The following NNT variants were observed in gnomAD, a reference collection of about 807,000 sequenced individuals.
NNT encodes NAD(P) transhydrogenase, mitochondrial.
In NNT, 50 loss-of-function variants were observed where a neutral mutation model predicts 104.8. The observed-to-expected ratio is 0.48, with a 90% CI of 0.38 to 0.60. The LOEUF (loss-of-function observed/expected upper bound fraction) is 0.60. Among genes scored for constraint, NNT ranks in the 20% least tolerant of loss-of-function variants. The probability of loss-of-function intolerance (pLI) is 0.00; values close to 1 mark genes in which losing one functional copy is unlikely to be tolerated. For synonymous variants in NNT, 461 were observed against 490.4 expected (o/e 0.94, Z 0.79); for missense variants, 1,131 against 1,330.7 (o/e 0.85, Z 2.33).
chr5:43,668,458 A>T (rs1003998100), intron 17 of NNT, among the ~76,000 whole-genome samples: 2 of 152,148 alleles, frequency 1.3e-5, no homozygotes, highest in African/African-American at 4.8e-5. Context: ...ATTTTTGTAT[A>T]AGGTGTAAGG....
At chr5:43,676,834 G>A (rs561953013) in intron 18 of NNT, among the ~76,000 whole-genome samples, 1 of 152,280 alleles carries the variant, frequency 6.6e-6, no homozygotes, top group South Asian at 2.1e-4. Flanking sequence ...ATGAAGGTTT[G>A]TAGGGAGGCG....
intron 4 of NNT, among the ~76,000 whole-genome samples, chr5:43,617,052 A>G (rs1422263024): frequency 6.6e-6 from 1 of 152,214 alleles, no homozygotes; most frequent in Non-Finnish European, 1.5e-5. Context: ...ATTTTAGCAT[A>G]GGAAATATGT....
chr5:43,614,941 T>C (rs993377647), intron 3 of NNT, among the ~76,000 whole-genome samples: 3 of 151,510 alleles, frequency 2.0e-5, no homozygotes, highest in Non-Finnish European at 4.4e-5. Context: ...ATCGAGACCA[T>C]CCTGGCTAAC....
intron 17 of NNT, among the ~76,000 whole-genome samples, chr5:43,659,958 TC>T (rs1740268113): frequency 6.6e-6 from 1 of 152,232 alleles, no homozygotes; most frequent in African/African-American, 2.4e-5. Context: ...ACTTGTCTGA[TC>T]GTGTTGTATA....
intron 19 of NNT, among the ~76,000 whole-genome samples, chr5:43,681,389 AT>A (rs909527250): frequency 6.6e-6 from 1 of 150,714 alleles, no homozygotes; most frequent in Non-Finnish European, 1.5e-5. Flanking sequence ...CTTTCAACTT[AT>A]TTTTTTTAAT....
rs376701705 is a variant in NNT at position 43,613,027 on chromosome 5, G to A, written c.271G>A (p.Val91Met). The part of the protein sequence containing the change: ...NLVKQGFNVV[V>M]ESGAGEASKF... Reference sequence around the variant, plus strand: ...GGTCAAGCAGGGTTTTAATGTTGTCGTGGAATCGGGTGCGGGCGAAGCTTC... The same window carrying A: ...GGTCAAGCAGGGTTTTAATGTTGTCATGGAATCGGGTGCGGGCGAAGCTTC... Residue 91 changes from valine to methionine, a missense_variant, in exon 3 of 22, where the codon GTG becomes ATG. Physicochemically the swap from Val to Met is conservative, Grantham distance 21. Coordinates refer to ENST00000344920, the MANE Select transcript of NNT (RefSeq NM_182977.3). The A allele has an allele frequency of 2.0e-5, 33 of 1,613,996 alleles. No individual in the cohort carries two copies. The highest frequency in any genetic ancestry group is 1.6e-4 in the East Asian group (7 of 44,880).
At chr5:43,638,089 T>C (rs565428292) in intron 7 of NNT, among the ~76,000 whole-genome samples, 1 of 152,304 alleles carries the variant, frequency 6.6e-6, no homozygotes, top group African/African-American at 2.4e-5. Flanking sequence ...TGAGATCTGA[T>C]GGTTTTATAA....
At chr5:43,606,568 T>C (rs1169730369) in intron 1 of NNT, among the ~76,000 whole-genome samples, 4 of 152,198 alleles carry the variant, frequency 2.6e-5, no homozygotes, top group Non-Finnish European at 2.9e-5. Context: ...CAAATGCAAA[T>C]AATTATTCAT....
At chr5:43,650,739 C>T (rs1739715865) in intron 12 of NNT, 152 bp downstream of exon 12, 3 of 579,528 alleles carry the variant, frequency 5.2e-6, no homozygotes, top group Non-Finnish European at 5.9e-6. Context: ...TTATTTTGCC[C>T]ATCTGTAATT....
intron 7 of NNT, 76 bp from the exon 8 acceptor site, chr5:43,644,116 G>T: frequency 7.4e-7 from 1 of 1,347,192 alleles, no homozygotes; most frequent in South Asian, 1.4e-5. Flanking sequence ...AATGCCCAGA[G>T]ACTACTGTAA....
chr5:43,700,356 T>C (rs1742786104), intron 20 of NNT, 119 bp downstream of exon 20: 1 of 626,702 alleles, frequency 1.6e-6, no homozygotes, highest in Non-Finnish European at 2.8e-6. Flanking sequence ...AAAGAACTTG[T>C]ACATGGTAGA....
chr5:43,704,294 GCA>G lies in NNT; in HGVS notation c.3152_3153del (p.Ala1051GlyfsTer10). 6.2e-7 allele frequency: 1 copy of G among 1,605,934 alleles called. No homozygotes were observed. The highest frequency in any genetic ancestry group is 8.5e-7 in the Non-Finnish European group (1 of 1,176,658). On this transcript the variant is annotated frameshift_variant, in exon 22 of 22. Coordinates refer to ENST00000344920, the MANE Select transcript of NNT (RefSeq NM_182977.3). LOFTEE classifies it high-confidence loss of function. ...GAGGTCTTTGGGTGTTGGCTATGCT[GCA>G]GTGGACAATCCAATCTTCTACAAAC... is the stretch of plus-strand genomic sequence containing the variant. Reference protein sequence around the residue: ...MKRSLGVGYAAVDNPIFYKPN... With the variant: ...MKRSLGVGYAXVDNPIFYKPN...
chr5:43,637,842 A>G (rs1055474190), intron 7 of NNT, among the ~76,000 whole-genome samples: 2 of 152,126 alleles, frequency 1.3e-5, no homozygotes, highest in Non-Finnish European at 2.9e-5. Context: ...AATGAGATGC[A>G]CCTCGGCTTA....
intron 2 of NNT, among the ~76,000 whole-genome samples, chr5:43,612,090 T>TCTA (rs1383876010): frequency 4.6e-5 from 7 of 152,182 alleles, no homozygotes; most frequent in Non-Finnish European, 1.0e-4. Flanking sequence ...TCTTTAAATA[T>TCTA]CTACTACTGA....
chr5:43,671,923 A>G (rs62368564), intron 17 of NNT, among the ~76,000 whole-genome samples: 5,143 of 152,232 alleles, frequency 0.034, 136 homozygotes, highest in East Asian at 0.12. Flanking sequence ...AGGTACACCA[A>G]TGAGACGTAG....
At chr5:43,611,184 CTT>C (rs1003192103) in intron 2 of NNT, among the ~76,000 whole-genome samples, 4 of 146,524 alleles carry the variant, frequency 2.7e-5, no homozygotes, top group Non-Finnish European at 4.5e-5. Context: ...TGCTATGTCT[CTT>C]TTGTCTCTTT....
At chr5:43,612,704 A>G (rs1419806577) in intron 2 of NNT, among the ~76,000 whole-genome samples, 1 of 152,178 alleles carries the variant, frequency 6.6e-6, no homozygotes, top group Non-Finnish European at 1.5e-5. Context: ...TCAGAAGAGT[A>G]GGCATAAAAG....
chr5:43,621,184 C>T (rs73751784), intron 5 of NNT, among the ~76,000 whole-genome samples: 2,223 of 152,304 alleles, frequency 0.015, 55 homozygotes, highest in African/African-American at 0.046. Context: ...CCACAAGTGG[C>T]CCAGGACGGT....
chr5:43,609,384 A>G (rs775324674), intron 2 of NNT, 38 bp downstream of exon 2: 4 of 1,603,206 alleles, frequency 2.5e-6, no homozygotes, highest in Non-Finnish European at 2.6e-6. Flanking sequence ...TGAAACCTTC[A>G]AGTCATAGGA....
Sources: allele counts gnomAD v4.1 joint callset (sites outside exome capture counted in the v4.1 genomes callset), GRCh38; gene constraint gnomAD v4.1.1; transcripts MANE v1.5; gene names NCBI Gene and HGNC (gene_info 2026-07-23, HGNC 2026-07-21).